Variants in RHOBTB1 observed in about 807,000 individuals in gnomAD.
RHOBTB1 encodes the protein rho-related BTB domain-containing protein 1.
RHOBTB1 carries 40 observed loss-of-function variants against 71.6 expected under a neutral mutation model. The observed-to-expected ratio is 0.56, with a 90% CI of 0.43 to 0.73. The LOEUF (loss-of-function observed/expected upper bound fraction) is 0.73. RHOBTB1 is among the 30% of genes least tolerant of loss of function. The pLI is 0.00. For missense variants in RHOBTB1, 797 were observed against 894.0 expected (o/e 0.89, Z 1.38); for synonymous variants, 319 against 334.9 (o/e 0.95, Z 0.52).
chr10:60,999,346 A>C (rs2087173728), intron 1 of RHOBTB1, among the ~76,000 whole-genome samples: 1 of 152,262 alleles, frequency 6.6e-6, no homozygotes, highest in Non-Finnish European at 1.5e-5. Flanking sequence ...TGGTAAATCT[A>C]GAGTTGTCTA....
rs568364655 is a variant in RHOBTB1 at position 60,869,915 on chromosome 10, T to C, written c.*1567A>G. The C allele has an allele frequency of 4.6e-5, 7 of 152,802 alleles. No homozygotes were observed. The East Asian group carries it at 1.2e-3, about 25-fold the overall frequency. The allele number at this position is 152,802 out of a possible 1,614,324, so 9.5% of individuals were successfully genotyped here. A position where few individuals can be genotyped will look rare whatever the true frequency, so the allele number is the denominator to read the frequency against. ...CCACTGCCAGTAATAAATGCCCATC[T>C]GTAATCTAGATAGATTTTCAAATGC... On this transcript the variant is annotated 3_prime_UTR_variant, in exon 11 of 11. Transcript: ENST00000337910.
At chr10:60,991,825 C>T (rs1373179743) in intron 1 of RHOBTB1, among the ~76,000 whole-genome samples, 2 of 152,252 alleles carry the variant, frequency 1.3e-5, no homozygotes, top group Non-Finnish European at 2.9e-5. Flanking sequence ...TAGTTGATGC[C>T]TGTGCATCAT....
Position 60,870,247 on chromosome 10 carries a change from G to T in RHOBTB1, c.*1235C>A. 1 of 151,576 alleles carries T rather than the reference G, an allele frequency of 6.6e-6. No homozygotes were observed. Among genetic ancestry groups the T allele is most frequent in the African/African-American group, 2.5e-5 (1 of 40,550 alleles). 9.4% of individuals were successfully genotyped at this position (151,576 alleles called of 1,614,324 possible). ...TTCCTAGTTTAACACTGAAAACTCA[G>T]AATGAGAAAGAGTCAGAACGAACTC... On this transcript the variant is annotated 3_prime_UTR_variant, in exon 11 of 11. Coordinates refer to ENST00000337910, the MANE Select transcript of RHOBTB1 (RefSeq NM_014836.5).
intron 6 of RHOBTB1, 75 bp downstream of exon 6, chr10:60,888,137 T>C: frequency 6.7e-7 from 1 of 1,497,358 alleles, no homozygotes; most frequent in Non-Finnish European, 9.0e-7. Context: ...TTCTTCTTTC[T>C]CCTGCTCATG....
chr10:60,957,454 T>A (rs2085633470), intron 2 of RHOBTB1, among the ~76,000 whole-genome samples: 1 of 152,222 alleles, frequency 6.6e-6, no homozygotes, highest in African/African-American at 2.4e-5. Flanking sequence ...CTGTTCACAG[T>A]TGACTGAAAT....
intron 2 of RHOBTB1, among the ~76,000 whole-genome samples, chr10:60,926,192 G>A (rs962729166): frequency 3.5e-4 from 53 of 152,050 alleles, no homozygotes; most frequent in African/African-American, 1.2e-3. Flanking sequence ...AGCTGAGATC[G>A]CACAACTGCA....
At chr10:60,903,667 TGGGTCAGACTATGGGC>T (rs1268839372) in intron 4 of RHOBTB1, among the ~76,000 whole-genome samples, 3 of 44,478 alleles carry the variant, frequency 6.7e-5, no homozygotes, top group African/African-American at 3.5e-4. Flanking sequence ...AACAGGCCCC[TGGGTCAGACTATGGGC>T]CCCTGGGTCA....
intron 2 of RHOBTB1, among the ~76,000 whole-genome samples, chr10:60,963,220 A>C (rs1348444804): frequency 6.6e-6 from 1 of 152,176 alleles, no homozygotes; most frequent in East Asian, 1.9e-4. Flanking sequence ...CCTCCGCTCC[A>C]TACAGAGACC....
At position 60,871,532 on chromosome 10, in the gene RHOBTB1, G is replaced by A. The variant is rs369886188; in HGVS notation, c.2041C>T (p.Arg681Cys). 63 of 1,613,934 alleles carry A rather than the reference G, an allele frequency of 3.9e-5. No individual in the cohort carries two copies. The highest frequency in any genetic ancestry group is 1.1e-4 in the African/African-American group (8 of 74,894). ...EKEDIALNKH[R>C]SRRKWCFWNS... ...CAGAAGCACCACTTTCGTCTTGAGC[G>A]ATGCTTATTTAGTGCAATATCTTCC... The change falls in exon 11 of 11, where the codon CGC becomes TGC. Residue 681 changes from arginine to cysteine, a missense_variant. Around this residue, in one of 2 missense-constraint regions of RHOBTB1, gnomAD observed 658 missense variants for 681.5 expected, o/e 0.97. Coordinates refer to ENST00000337910, the MANE Select transcript of RHOBTB1 (RefSeq NM_014836.5).
chr10:60,871,819 T>A (rs2080800897), intron 10 of RHOBTB1, among the ~76,000 whole-genome samples, 168 bp from the exon 11 acceptor site: 1 of 152,094 alleles, frequency 6.6e-6, no homozygotes, highest in Non-Finnish European at 1.5e-5. Flanking sequence ...AGAGGAAGAA[T>A]CTCTTACCTG....
intron 2 of RHOBTB1, among the ~76,000 whole-genome samples, chr10:60,982,937 C>T (rs968492283): frequency 1.8e-4 from 27 of 152,082 alleles, no homozygotes; most frequent in South Asian, 4.2e-4. Context: ...GAGGGAAAGG[C>T]GGTGCACATG....
intron 2 of RHOBTB1, among the ~76,000 whole-genome samples, chr10:60,965,547 T>C (rs371788077): frequency 2.8e-4 from 43 of 152,230 alleles, no homozygotes; most frequent in Admixed American, 1.6e-3. Context: ...TGTAAGAGAA[T>C]TAATTGGTGT....
At chr10:60,899,854 C>T (rs944749645) in intron 4 of RHOBTB1, among the ~76,000 whole-genome samples, 2 of 152,016 alleles carry the variant, frequency 1.3e-5, no homozygotes, top group African/African-American at 4.8e-5. Flanking sequence ...GAAAATAAAG[C>T]AGGGAAAGGG....
At chr10:60,964,901 C>G (rs758457599) in intron 2 of RHOBTB1, among the ~76,000 whole-genome samples, 1 of 152,052 alleles carries the variant, frequency 6.6e-6, no homozygotes, top group South Asian at 2.1e-4. Context: ...TAATGTAATC[C>G]TACCTTATAG....
intron 2 of RHOBTB1, among the ~76,000 whole-genome samples, chr10:60,973,101 T>A (rs1044090354): frequency 6.6e-6 from 1 of 152,064 alleles, no homozygotes; most frequent in African/African-American, 2.4e-5. Flanking sequence ...TTTTTTTTTA[T>A]GATTTTCTCT....
At chr10:60,996,284 T>C (rs1002724366) in intron 1 of RHOBTB1, among the ~76,000 whole-genome samples, 1 of 151,904 alleles carries the variant, frequency 6.6e-6, no homozygotes, top group Admixed American at 6.6e-5. Context: ...AATCCAGTTC[T>C]TTTTTTTACC....
At chr10:60,960,213 AT>A (rs2085731179) in intron 2 of RHOBTB1, among the ~76,000 whole-genome samples, 1 of 152,228 alleles carries the variant, frequency 6.6e-6, no homozygotes, top group Admixed American at 6.5e-5. Context: ...AAAAACTATG[AT>A]GACATTTCTT....
intron 4 of RHOBTB1, among the ~76,000 whole-genome samples, chr10:60,895,266 G>A (rs1221491767): frequency 6.6e-6 from 1 of 152,110 alleles, no homozygotes; most frequent in Non-Finnish European, 1.5e-5. Context: ...TACCTCTGAA[G>A]ATAAAATAAC....
At chr10:60,948,464 G>A (rs1375415766), upstream of RHOBTB1, among the ~76,000 whole-genome samples, 1 of 151,610 alleles carries the variant, frequency 6.6e-6, no homozygotes, top group African/African-American at 2.4e-5. Context: ...CCTTGTGACA[G>A]GTGCAGATGC....
Sources: allele counts gnomAD v4.1 joint callset (sites outside exome capture counted in the v4.1 genomes callset), GRCh38; gene constraint gnomAD v4.1.1; regional missense constraint gnomAD v4.1.1; transcripts MANE v1.5; gene names NCBI Gene and HGNC (gene_info 2026-07-23, HGNC 2026-07-21).